Variants in DRC8 observed in about 807,000 individuals in gnomAD.
DRC8 encodes dynein regulatory complex subunit 8.
At chr1:244,978,792 T>TA in the DRC8 span, among the ~76,000 whole-genome samples, 1 of 152,142 alleles carries the variant, frequency 6.6e-6, no homozygotes, top group Non-Finnish European at 1.5e-5. Context: ...CTCTGGCCCA[T>TA]AATTTTATTT....
At chr1:245,087,036 C>G in the DRC8 span, 2 of 702,406 alleles carry the variant, frequency 2.8e-6, no homozygotes, top group African/African-American at 1.8e-5. Flanking sequence ...CATCTGCAGG[C>G]TAAAAGAAGT....
At chr1:245,065,165 G>T in the DRC8 span, among the ~76,000 whole-genome samples, 1 of 129,744 alleles carries the variant, frequency 7.7e-6, no homozygotes, top group South Asian at 2.6e-4. Flanking sequence ...GACCTCAAAT[G>T]ATCTACCTGC....
chr1:245,030,409 A>G, the DRC8 span, among the ~76,000 whole-genome samples: 1 of 152,224 alleles, frequency 6.6e-6, no homozygotes, highest in African/African-American at 2.4e-5. Context: ...TTTAAAGTAT[A>G]TGGAAGGATG....
chr1:245,009,199 C>T, the DRC8 span, among the ~76,000 whole-genome samples: 4 of 151,542 alleles, frequency 2.6e-5, no homozygotes, highest in African/African-American at 9.7e-5. Flanking sequence ...CCACGCCCGG[C>T]TAATTTGTAT....
chr1:245,125,200 G>C, the DRC8 span: 2 of 152,082 alleles, frequency 1.3e-5, no homozygotes, highest in Non-Finnish European at 2.9e-5. Context: ...CATGATATTC[G>C]CCCATTTAAA....
At chr1:245,086,044 G>A in the DRC8 span, among the ~76,000 whole-genome samples, 690 of 152,322 alleles carry the variant, frequency 4.5e-3, 6 homozygotes, top group African/African-American at 0.016. Flanking sequence ...GCGACCACGT[G>A]GTTTACTTGG....
chr1:245,070,244 A>T, the DRC8 span, among the ~76,000 whole-genome samples: 1 of 152,220 alleles, frequency 6.6e-6, no homozygotes, highest in Non-Finnish European at 1.5e-5. Context: ...CTACTATAAT[A>T]GGAGTGCAAT....
chr1:245,118,968 T>C, the DRC8 span, among the ~76,000 whole-genome samples: 3 of 152,188 alleles, frequency 2.0e-5, no homozygotes, highest in African/African-American at 7.2e-5. Flanking sequence ...TGACTCATTC[T>C]TGATGATGGG....
chr1:245,014,225 G>GA, the DRC8 span, among the ~76,000 whole-genome samples: 1 of 150,530 alleles, frequency 6.6e-6, no homozygotes, highest in Non-Finnish European at 1.5e-5. Flanking sequence ...AACTGACCTG[G>GA]AAAATTGTTT....
the DRC8 span, among the ~76,000 whole-genome samples, chr1:245,112,858 G>A: frequency 1.5e-3 from 233 of 151,436 alleles, 1 homozygote; most frequent in Non-Finnish European, 2.6e-3. Context: ...AGTTCAAGCA[G>A]TTCTCCTGCC....
the DRC8 span, among the ~76,000 whole-genome samples, chr1:245,040,256 A>G: frequency 2.0e-5 from 3 of 152,228 alleles, no homozygotes; most frequent in Admixed American, 6.5e-5. Context: ...GCCATAGTCT[A>G]TTAATTCAGT....
chr1:245,018,369 T>A, the DRC8 span, among the ~76,000 whole-genome samples: 1 of 152,126 alleles, frequency 6.6e-6, no homozygotes, highest in East Asian at 1.9e-4. Context: ...TTGAAAATGG[T>A]TCTGGAAAGG....
At chr1:244,973,653 A>T in the DRC8 span, among the ~76,000 whole-genome samples, 18 of 152,224 alleles carry the variant, frequency 1.2e-4, no homozygotes, top group African/African-American at 3.9e-4. Context: ...GTGCCACGGT[A>T]TTCACTAGCA....
the DRC8 span, chr1:245,091,855 C>T: frequency 7.4e-4 from 113 of 152,388 alleles, no homozygotes; most frequent in African/African-American, 2.6e-3. Context: ...TCACTGACCT[C>T]GCCCGCAGCA....
the DRC8 span, chr1:245,075,723 G>A: frequency 2.6e-5 from 4 of 152,182 alleles, no homozygotes; most frequent in Non-Finnish European, 5.9e-5. Context: ...ATTCACAAAC[G>A]CTGCCCGGCT....
the DRC8 span, chr1:245,075,546 T>C: frequency 6.6e-6 from 1 of 152,194 alleles, no homozygotes; most frequent in Non-Finnish European, 1.5e-5. Flanking sequence ...TTTCTTCAGG[T>C]CACCTACTCC....
the DRC8 span, chr1:245,083,292 C>T: frequency 1.4e-6 from 1 of 702,242 alleles, no homozygotes; most frequent in Non-Finnish European, 2.5e-6. Flanking sequence ...AGTTTCATCC[C>T]CAAACCATCC....
At chr1:244,970,685 C>G in the DRC8 span, 3,614 of 497,022 alleles carry the variant, frequency 7.3e-3, 173 homozygotes, top group African/African-American at 0.073. Flanking sequence ...CCCCGCCTCT[C>G]TCCCCTCTTC....
At chr1:244,992,382 G>A in the DRC8 span, among the ~76,000 whole-genome samples, 37 of 152,222 alleles carry the variant, frequency 2.4e-4, no homozygotes, top group East Asian at 2.9e-3. Flanking sequence ...GAGAGGGAAA[G>A]GGAAAAGAAA....
Sources: allele counts gnomAD v4.1 joint callset (sites outside exome capture counted in the v4.1 genomes callset), GRCh38; gene constraint gnomAD v4.1.1; transcripts MANE v1.5; gene names NCBI Gene and HGNC (gene_info 2026-07-23, HGNC 2026-07-21).